SLC36A4: variants seen among roughly 807,000 people sequenced by gnomAD.
SLC36A4 encodes solute carrier family 36 member 4, also known as neutral amino acid uniporter 4.
In SLC36A4, 49 loss-of-function variants were observed where a neutral mutation model predicts 50.5. That is an observed-to-expected ratio of 0.97 (90% CI 0.77 to 1.23). SLC36A4 has a LOEUF of 1.23. SLC36A4 is among the 50% of genes most tolerant of loss of function. The pLI, the probability that SLC36A4 is intolerant of heterozygous loss-of-function variation, is 0.00. For missense variants in SLC36A4, 611 were observed against 608.4 expected, an observed-to-expected ratio of 1.00 and a Z score of -0.05; for synonymous variants, 207 against 206.5, an observed-to-expected ratio of 1.00 and a Z score of -0.02.
chr11:93,162,905 A>C (rs1297848726), intron 8 of SLC36A4, 30 bp from the exon 9 acceptor site: 9 of 1,584,290 alleles, frequency 5.7e-6, no homozygotes, highest in Non-Finnish European at 7.7e-6. Flanking sequence ...CTTTTTTTTA[A>C]GGGAATACAA....
At chr11:93,164,942 T>C (rs751660683) in intron 8 of SLC36A4, among the ~76,000 whole-genome samples, 31 of 152,088 alleles carry the variant, frequency 2.0e-4, no homozygotes, top group Non-Finnish European at 3.4e-4. Flanking sequence ...AGAAAATACA[T>C]GTCAGACTTT....
chr11:93,163,838 A>G (rs1394479206), intron 8 of SLC36A4, among the ~76,000 whole-genome samples: 1 of 151,730 alleles, frequency 6.6e-6, no homozygotes, highest in East Asian at 1.9e-4. Context: ...TTTTTTAAAT[A>G]TTGAATTACA....
chr11:93,170,445 G>A (rs543681327), intron 6 of SLC36A4, among the ~76,000 whole-genome samples: 20 of 152,044 alleles, frequency 1.3e-4, no homozygotes, highest in South Asian at 2.1e-4. Context: ...TAAACCTTTT[G>A]TCAGCTGAGC....
At position 93,178,055 on chromosome 11, in the gene SLC36A4, C is replaced by T. The variant is rs533553996; in HGVS notation, c.540+2742G>A. On this transcript the variant is annotated intron_variant, in intron 6 of 10. Transcript: ENST00000326402. ...GCTTCCCGGCCACTTTGTTTACCTA[C>T]TCAAGCCTCAGCAATGGCGGACGCC... is the stretch of plus-strand genomic sequence containing the variant. Among the ~76,000 whole-genome samples, 62 of 152,296 alleles carry T rather than the reference C, an allele frequency of 4.1e-4. 2 individuals carry two copies. The South Asian group carries it at 0.013, about 32-fold the overall frequency.
chr11:93,184,282 A>C (rs1438721879), intron 3 of SLC36A4, 148 bp downstream of exon 3: 10 of 662,502 alleles, frequency 1.5e-5, no homozygotes, highest in Non-Finnish European at 2.7e-6. Context: ...TATCATTATC[A>C]CAGTTGACAC....
chr11:93,148,681 T>C lies in SLC36A4; in HGVS notation c.1371A>G (p.Ala457=), dbSNP rs201138704. The C allele has an allele frequency of 1.9e-5, 30 of 1,612,888 alleles. No individual in the cohort carries two copies. In the East Asian group the frequency reaches 6.0e-4, roughly 32 times the overall value. ...IWMVLKNISI[A]FTGVVGFLLG... is the part of the protein sequence containing the mutation. ...ATAAGAAGCCAACAACTCCAGTGAA[T>C]GCTATAGAAATATTTTTCAGGACCA... Residue 457 remains alanine, a synonymous_variant, in exon 11 of 11, where the codon GCA becomes GCG. Coordinates refer to ENST00000326402, the MANE Select transcript of SLC36A4 (RefSeq NM_152313.4).
In SLC36A4 at chr11:93,167,924, T is replaced by G; in HGVS notation, c.768+20A>C. The stretch of plus-strand genomic sequence containing the variant: ...TACATAAGAAAGATAAGAACTTAGT[T>G]AAAAACTTTTTATACTTACCCTGAC... On this transcript the variant is annotated intron_variant, in intron 7 of 10. Transcript: ENST00000326402. The G allele has an allele frequency of 1.3e-6, 2 of 1,530,360 alleles. No homozygotes were observed. Among genetic ancestry groups the G allele is most frequent in the Non-Finnish European group, 1.8e-6 (2 of 1,131,904 alleles). 94.8% of individuals were successfully genotyped at this position (1,530,360 alleles called of 1,614,324 possible).
chr11:93,157,847 T>C (rs1860436711), intron 9 of SLC36A4, among the ~76,000 whole-genome samples: 2 of 152,202 alleles, frequency 1.3e-5, no homozygotes, highest in Admixed American at 1.3e-4. Flanking sequence ...TTCTTCCTAT[T>C]TGGATGCCCT....
chr11:93,181,590 C>G (rs777788704), intron 5 of SLC36A4, 101 bp downstream of exon 5: 3 of 906,508 alleles, frequency 3.3e-6, no homozygotes, highest in Middle Eastern at 3.8e-4. Flanking sequence ...TGTTTATTCC[C>G]CAACTTTATC....
At chr11:93,195,550 C>G (rs773528216) in intron 1 of SLC36A4, among the ~76,000 whole-genome samples, 1 of 152,146 alleles carries the variant, frequency 6.6e-6, no homozygotes, top group East Asian at 1.9e-4. Context: ...ACAGTTTATT[C>G]GTCACATGGC....
rs535982998 is a variant in SLC36A4 at position 93,160,751 on chromosome 11, C to T, written c.1037+1955G>A. On this transcript the variant is annotated intron_variant, in intron 9 of 10. Transcript: ENST00000326402. ...AAATAAGACCGGGAAAGAATTTTGA[C>T]ATTATTTCCATGTACCTTTTACATT... 3 of 977,346 alleles carry T rather than the reference C, an allele frequency of 3.1e-6. No homozygotes were observed. The South Asian group carries it at 1.4e-4, about 46-fold the overall frequency. 60.5% of individuals were successfully genotyped at this position (977,346 alleles called of 1,614,324 possible).
chr11:93,197,807 G>C lies in SLC36A4; in HGVS notation c.26C>G (p.Ala9Gly), dbSNP rs976811255. Residue 9 changes from alanine (A) to glycine (G), a missense_variant, in exon 1 of 11, where the codon GCT becomes GGT. Transcript: ENST00000326402. MEAAATPA[A>G]AGAARREELD... Reference sequence around the variant, plus strand: ...CTCCTCGCGCCTCGCCGCCCCGGCAGCCGCCGGCGTCGCCGCCGCTTCCAT... The same window carrying C: ...CTCCTCGCGCCTCGCCGCCCCGGCACCCGCCGGCGTCGCCGCCGCTTCCAT... The C allele has an allele frequency of 1.7e-5, 27 of 1,583,476 alleles. No homozygotes were observed. In the Admixed American group the frequency reaches 3.9e-4, roughly 23 times the overall value.
chr11:93,180,946 C>T, intron 5 of SLC36A4, 65 bp from the exon 6 acceptor site: 1 of 1,131,076 alleles, frequency 8.8e-7, no homozygotes, highest in Non-Finnish European at 1.3e-6. Context: ...TATTTTATTT[C>T]TCTTTTCAAG....
At chr11:93,154,038 C>A in intron 10 of SLC36A4, 70 bp downstream of exon 10, 1 of 708,508 alleles carries the variant, frequency 1.4e-6, no homozygotes, top group Non-Finnish European at 2.1e-6. Flanking sequence ...TAAGAAATTA[C>A]ATCTTATATA....
rs778421692 is a variant in SLC36A4, at chr11:93,185,655, TAAAAG to T, written c.179+31_179+35del. Reference sequence around the variant, plus strand: ...GAAGATTACAAAATACATACTGAATTAAAAGAAAAGGAGACTTATAAACCATAACA... The same window carrying T: ...GAAGATTACAAAATACATACTGAATTAAAAGGAGACTTATAAACCATAACA... On this transcript the variant is annotated intron_variant, in intron 2 of 10. Coordinates refer to ENST00000326402, the MANE Select transcript of SLC36A4 (RefSeq NM_152313.4). The T allele has an allele frequency of 7.9e-6, 12 of 1,523,498 alleles. No individual in the cohort carries two copies. In the East Asian group the frequency reaches 2.6e-4, roughly 32 times the overall value. The allele number at this position is 1,523,498 out of a possible 1,614,324, so 94.4% of individuals were successfully genotyped here.
intron 9 of SLC36A4, among the ~76,000 whole-genome samples, 170 bp downstream of exon 9, chr11:93,162,536 C>T (rs1389376577): frequency 6.6e-6 from 1 of 151,966 alleles, no homozygotes; most frequent in African/African-American, 2.4e-5. Context: ...CTTGAACTCC[C>T]GACCTCAGGT....
At chr11:93,172,194 A>T (rs1032928634) in intron 6 of SLC36A4, among the ~76,000 whole-genome samples, 27 of 152,162 alleles carry the variant, frequency 1.8e-4, no homozygotes, top group African/African-American at 5.5e-4. Context: ...GGCTGGCTAA[A>T]ACTGTCAGCA....
In SLC36A4 at chr11:93,146,435, TTC is replaced by T. The variant is rs1210484024; in HGVS notation, c.*2100_*2101del. ...TCGTTTTCCTATAACTTCTTCTGCATTCTCTTAGTATGACTAAAGGCTCAGTG... is the reference window on the plus strand; with the variant it reads ...TCGTTTTCCTATAACTTCTTCTGCATTCTTAGTATGACTAAAGGCTCAGTG... On this transcript the variant is annotated 3_prime_UTR_variant, in exon 11 of 11. Transcript: ENST00000326402. 11 of 152,024 alleles carry T rather than the reference TTC, an allele frequency of 7.2e-5. No individual in the cohort carries two copies. The highest frequency in any genetic ancestry group is 2.7e-4 in the African/African-American group (11 of 41,448). The allele number at this position is 152,024 out of a possible 1,614,324, so 9.4% of individuals were successfully genotyped here.
intron 9 of SLC36A4, chr11:93,154,916 A>T (rs752575145): frequency 4.6e-5 from 7 of 152,138 alleles, no homozygotes; most frequent in African/African-American, 7.2e-5. Flanking sequence ...TCTTTGATAT[A>T]CAGTGCTTCA....
Sources: gnomAD v4.1 joint callset for allele counts (sites outside exome capture counted in the v4.1 genomes callset) on GRCh38, gnomAD v4.1.1 for gene constraint, MANE v1.5 for transcripts, NCBI Gene and HGNC (gene_info 2026-07-23, HGNC 2026-07-21) for gene names.